The following ASIC2 variants were observed in gnomAD, a reference collection of about 807,000 sequenced individuals.
The protein encoded by ASIC2 is acid sensing ion channel subunit 2.
Under a neutral mutation model 57.3 loss-of-function variants are expected in ASIC2, and 25 were observed. That is an observed-to-expected ratio of 0.44 (90% CI 0.32 to 0.61). The LOEUF (loss-of-function observed/expected upper bound fraction) is 0.61. ASIC2 is among the 20% of genes least tolerant of loss of function. The pLI is 0.06. For synonymous variants in ASIC2, 319 were observed against 307.5 expected (o/e 1.04, Z -0.39); for missense variants, 641 against 738.1 (o/e 0.87, Z 1.52).
intron 1 of ASIC2, among the ~76,000 whole-genome samples, chr17:34,074,425 C>T (rs1909544549): frequency 6.6e-6 from 1 of 152,098 alleles, no homozygotes; most frequent in South Asian, 2.1e-4. Flanking sequence ...TATTCCAAAC[C>T]CCACATTATT....
Position 33,661,365 on chromosome 17 carries a change from A to ACTTGGATCCACCCTTGATTGCCTCG in ASIC2, c.555+494588_555+494612dup, listed in dbSNP as rs1302983214. On this transcript the variant is annotated intron_variant, in intron 1 of 9. Transcript: ENST00000359872. Reference sequence around the variant, plus strand: ...GGAGCACTAAACTAGGAGTTTAAAGACTTGGATCCACCCTTGATTGCCTCG... The same window carrying ACTTGGATCCACCCTTGATTGCCTCG: ...GGAGCACTAAACTAGGAGTTTAAAGACTTGGATCCACCCTTGATTGCCTCGCTTGGATCCACCCTTGATTGCCTCG... 5.9e-5 allele frequency among the ~76,000 whole-genome samples: 9 copies of ACTTGGATCCACCCTTGATTGCCTCG among 152,322 alleles called. No homozygotes were observed. In the East Asian group the frequency reaches 1.7e-3, roughly 29 times the overall value.
chr17:33,874,929 T>A (rs1914513305), intron 1 of ASIC2, among the ~76,000 whole-genome samples: 1 of 152,232 alleles, frequency 6.6e-6, no homozygotes, highest in Non-Finnish European at 1.5e-5. Context: ...GCAGTATTCC[T>A]GTCCTGATAA....
At chr17:33,940,030 T>C (rs1916151018) in intron 1 of ASIC2, among the ~76,000 whole-genome samples, 1 of 152,166 alleles carries the variant, frequency 6.6e-6, no homozygotes, top group South Asian at 2.1e-4. Flanking sequence ...GAAAAGGGCC[T>C]ACCCTGCGTA....
intron 1 of ASIC2, among the ~76,000 whole-genome samples, chr17:33,714,624 C>A (rs1909152384): frequency 6.6e-6 from 1 of 152,070 alleles, no homozygotes; most frequent in African/African-American, 2.4e-5. Flanking sequence ...AAGGAAATCA[C>A]CCAAGTTCAT....
chr17:33,879,142 A>G lies in ASIC2; in HGVS notation c.555+276836T>C, dbSNP rs971248313. The stretch of plus-strand genomic sequence containing the variant: ...TGGAAAGGAACAACCGGTACCAGCC[A>G]CTGCAAAAACATGCCAAACTGTAAA... On this transcript the variant is annotated intron_variant, in intron 1 of 9. Coordinates refer to the ASIC2 transcript ENST00000359872. Among the ~76,000 whole-genome samples the G allele has an allele frequency of 3.3e-5, 5 of 152,210 alleles. No homozygotes were observed. In the East Asian group the frequency reaches 5.8e-4, roughly 18 times the overall value.
chr17:33,848,161 G>A lies in ASIC2; in HGVS notation c.555+307817C>T, dbSNP rs138524106. Among the ~76,000 whole-genome samples the A allele has an allele frequency of 1.7e-3, 257 of 152,254 alleles. 1 individual carries two copies. Among genetic ancestry groups the A allele is most frequent in the Non-Finnish European group, 3.2e-3 (221 of 68,030 alleles). On this transcript the variant is annotated intron_variant, in intron 1 of 9. Transcript: ENST00000359872. ...GAGGGTGGTCAAGGCAACCAGAAGG[G>A]CAGCCCTAGATCAAAGCAGAAGGCA... is the stretch of plus-strand genomic sequence containing the variant.
intron 1 of ASIC2, among the ~76,000 whole-genome samples, chr17:33,729,547 G>T (rs980061172): frequency 6.6e-6 from 1 of 152,188 alleles, no homozygotes; most frequent in East Asian, 1.9e-4. Context: ...TAATGTAAAA[G>T]GAAGTCCAAG....
At chr17:33,692,631 AG>A (rs1908408014) in intron 1 of ASIC2, 2 of 152,214 alleles carry the variant, frequency 1.3e-5, no homozygotes, top group African/African-American at 4.8e-5. Context: ...CATGAATCGG[AG>A]CTTGCAGGAC....
chr17:33,612,581 C>G (rs1905446301), intron 1 of ASIC2, among the ~76,000 whole-genome samples: 1 of 152,180 alleles, frequency 6.6e-6, no homozygotes, highest in African/African-American at 2.4e-5. Flanking sequence ...CCCAGCCTCC[C>G]CTGCAGTTAG....
chr17:33,857,825 A>G (rs1914002446), intron 1 of ASIC2, among the ~76,000 whole-genome samples: 1 of 152,242 alleles, frequency 6.6e-6, no homozygotes, highest in African/African-American at 2.4e-5. Flanking sequence ...CATGGAAGAA[A>G]AGTAACTAAT....
intron 1 of ASIC2, among the ~76,000 whole-genome samples, chr17:33,954,296 G>A (rs1904668444): frequency 6.6e-6 from 1 of 152,174 alleles, no homozygotes; most frequent in Admixed American, 6.5e-5. Flanking sequence ...GTTCTCAGGA[G>A]TGTGGTATCT....
At chr17:33,370,706 C>T (rs994312716) in intron 1 of ASIC2, among the ~76,000 whole-genome samples, 1 of 152,190 alleles carries the variant, frequency 6.6e-6, no homozygotes, top group Non-Finnish European at 1.5e-5. Flanking sequence ...CTGGGATTCT[C>T]TCTAGCACAG....
intron 1 of ASIC2, among the ~76,000 whole-genome samples, chr17:33,171,432 C>T (rs1255918944): frequency 6.6e-6 from 1 of 152,236 alleles, no homozygotes; most frequent in Non-Finnish European, 1.5e-5. Flanking sequence ...TCCAGTTGCA[C>T]AAGTGTTGTC....
intron 7 of ASIC2, 125 bp from the exon 8 acceptor site, chr17:33,017,809 TG>T: frequency 1.2e-6 from 1 of 832,804 alleles, no homozygotes; most frequent in South Asian, 1.7e-5. Flanking sequence ...GGCCTTGTTG[TG>T]GGAGGTCCAG....
intron 1 of ASIC2, among the ~76,000 whole-genome samples, chr17:33,423,269 C>A (rs1911105525): frequency 6.6e-6 from 1 of 152,156 alleles, no homozygotes; most frequent in Admixed American, 6.5e-5. Context: ...TAACATGCAA[C>A]TAGAATTGAG....
At chr17:34,140,122 C>A (rs1218299542) in intron 1 of ASIC2, among the ~76,000 whole-genome samples, 4 of 152,172 alleles carry the variant, frequency 2.6e-5, no homozygotes, top group African/African-American at 9.7e-5. Context: ...AGGCTGGTAG[C>A]AGCCAGAGTG....
At chr17:33,297,365 G>C (rs563001360), upstream of ASIC2, among the ~76,000 whole-genome samples, 3 of 152,274 alleles carry the variant, frequency 2.0e-5, no homozygotes, top group Middle Eastern at 6.8e-3. Context: ...TCTGCGGGTG[G>C]TTGGGGGCTC....
intron 1 of ASIC2, among the ~76,000 whole-genome samples, chr17:33,315,272 C>T (rs1906599021): frequency 6.6e-6 from 1 of 152,160 alleles, no homozygotes; most frequent in Admixed American, 6.5e-5. Flanking sequence ...TAATGTTGCT[C>T]TCTGCAAGCA....
At chr17:33,525,688 A>C (rs1003321349) in intron 1 of ASIC2, among the ~76,000 whole-genome samples, 10 of 152,230 alleles carry the variant, frequency 6.6e-5, no homozygotes, top group African/African-American at 2.2e-4. Flanking sequence ...CAATAGCAGA[A>C]GGTCAAGTGT....
Sources: gnomAD v4.1 joint callset for allele counts (sites outside exome capture counted in the v4.1 genomes callset) on GRCh38, gnomAD v4.1.1 for gene constraint, MANE v1.5 for transcripts, NCBI Gene and HGNC (gene_info 2026-07-23, HGNC 2026-07-21) for gene names.